The following CEP350 variants were observed in gnomAD, a reference collection of about 807,000 sequenced individuals.
The protein encoded by CEP350 is centrosome-associated protein 350.
In CEP350, 126 loss-of-function variants were observed where a neutral mutation model predicts 331.8. The observed-to-expected ratio is 0.38, with a 90% CI of 0.33 to 0.44. CEP350 has a LOEUF of 0.44. Among genes scored for constraint, CEP350 ranks in the 20% least tolerant of loss-of-function variants. The pLI is 1.00. For synonymous variants in CEP350, 1,200 were observed against 1,259.5 expected (o/e 0.95, Z 1.00); for missense variants, 3,406 against 3,634.6 (o/e 0.94, Z 1.62).
At chr1:179,962,610 A>G (rs1454451555) in intron 1 of CEP350, among the ~76,000 whole-genome samples, 2 of 152,004 alleles carry the variant, frequency 1.3e-5, no homozygotes, top group South Asian at 2.1e-4. Context: ...GAGTTTCACT[A>G]TGTTGGTCAG....
intron 5 of CEP350, 128 bp downstream of exon 5, chr1:179,992,349 C>A: frequency 1.5e-6 from 1 of 672,804 alleles, no homozygotes. Flanking sequence ...TCTAATATTA[C>A]TACCTTTTTC....
chr1:180,091,749 A>C (rs900245405), intron 33 of CEP350, among the ~76,000 whole-genome samples: 6 of 151,936 alleles, frequency 3.9e-5, no homozygotes, highest in African/African-American at 1.5e-4. Context: ...AAGATCGCTT[A>C]CACCCAAGCA....
intron 1 of CEP350, among the ~76,000 whole-genome samples, chr1:179,973,698 A>G (rs1651626455): frequency 6.6e-6 from 1 of 152,130 alleles, no homozygotes; most frequent in Non-Finnish European, 1.5e-5. Context: ...TTGCCCTGTT[A>G]TCAGCGGGTC....
intron 27 of CEP350, among the ~76,000 whole-genome samples, chr1:180,072,459 T>C (rs991665455): frequency 6.6e-6 from 1 of 152,238 alleles, no homozygotes; most frequent in Admixed American, 6.5e-5. Flanking sequence ...ATAGATTTTT[T>C]GAGCCTTTTG....
intron 34 of CEP350, 23 bp downstream of exon 34, chr1:180,094,639 G>T (rs773226199): frequency 6.3e-7 from 1 of 1,599,148 alleles, no homozygotes; most frequent in Admixed American, 1.8e-5. Flanking sequence ...TCTAGAAAAA[G>T]TATCAGTATA....
chr1:179,987,519 CATATATA>C (rs1046719091), intron 3 of CEP350, among the ~76,000 whole-genome samples: 5 of 147,148 alleles, frequency 3.4e-5, no homozygotes, highest in African/African-American at 7.4e-5. Context: ...ATAGTATTAT[CATATATA>C]ATATATAATA....
At chr1:180,018,220 G>T (rs752268288) in intron 11 of CEP350, among the ~76,000 whole-genome samples, 3 of 151,904 alleles carry the variant, frequency 2.0e-5, no homozygotes, top group Non-Finnish European at 4.4e-5. Flanking sequence ...TTGCTATGTT[G>T]CCCAGGCTGG....
In CEP350 at chr1:180,041,774, C is replaced by G. The variant is rs771161145; in HGVS notation, c.4334C>G (p.Thr1445Ser). The G allele has an allele frequency of 6.2e-7, 1 of 1,612,936 alleles. No individual in the cohort carries two copies. The highest frequency in any genetic ancestry group is 8.5e-7 in the Non-Finnish European group (1 of 1,179,404). ...AAQQSETARL[T>S]TDAARQICEM... ...CAGCAGTCAGAAACTGCTCGCCTCA[C>G]CACAGACGCAGCACGTCAAATCTGT... The change falls in exon 19 of 38, where the codon ACC becomes AGC. Residue 1445 changes from threonine (T) to serine (S), a missense_variant. This residue lies in a region of CEP350 where 1,857 missense variants were observed against 1,909.2 expected (regional missense o/e 0.97). Coordinates refer to ENST00000367607, the MANE Select transcript of CEP350 (RefSeq NM_014810.5).
chr1:180,018,853 C>CTTCCTTTTTTTTTTTTTT lies in CEP350; in HGVS notation c.2175-1094_2175-1093insCCTTTTTTTTTTTTTTTT, dbSNP rs1553255696. On this transcript the variant is annotated intron_variant, in intron 11 of 37. Coordinates refer to ENST00000367607, the MANE Select transcript of CEP350 (RefSeq NM_014810.5). ...AAAGCCTCATGTTCGTCTTCTCTTT[C>CTTCCTTTTTTTTTTTTTT]TTTCTTTTTTTTTTTTTTTTTCTGA... 3.6e-5 allele frequency among the ~76,000 whole-genome samples: 3 copies of CTTCCTTTTTTTTTTTTTT among 83,764 alleles called. 1 individual carries two copies. The allele number at this position is 83,764 out of a possible 152,430, so 55.0% of individuals were successfully genotyped here.
In CEP350 at chr1:179,969,559, A is replaced by T. The variant is rs894653219; in HGVS notation, c.-14+14417A>T. On this transcript the variant is annotated intron_variant, in intron 1 of 37. Transcript: ENST00000367607. Reference sequence around the variant, plus strand: ...AGCAACATGGAAACAGGGTTGATGGAAAATAAGCAGCAGTTTCTAAAAAAG... The same window carrying T: ...AGCAACATGGAAACAGGGTTGATGGTAAATAAGCAGCAGTTTCTAAAAAAG... 39 of 346,444 alleles carry T rather than the reference A, an allele frequency of 1.1e-4. No homozygotes were observed. In the Admixed American group the frequency reaches 1.1e-3, roughly 10 times the overall value. 21.5% of individuals were successfully genotyped at this position (346,444 alleles called of 1,614,324 possible).
intron 37 of CEP350, among the ~76,000 whole-genome samples, chr1:180,108,586 A>G (rs375371369): frequency 6.6e-6 from 1 of 152,292 alleles, no homozygotes; most frequent in African/African-American, 2.4e-5. Context: ...TTCATTGGGG[A>G]TGTGAAATTT....
At chr1:179,969,901 A>G (rs2148587290) in intron 1 of CEP350, among the ~76,000 whole-genome samples, 1 of 152,358 alleles carries the variant, frequency 6.6e-6, no homozygotes, top group East Asian at 1.9e-4. Flanking sequence ...GGAAAATTTT[A>G]TAGTGAAACT....
In CEP350 at chr1:179,992,067, AG is replaced by A; in HGVS notation, c.242del (p.Arg81AsnfsTer36). ...CAGATTTCCTTTTCCTTCAGATGGTAGATACCTGGATGATTCTTGGGTTAAT... is the reference window on the plus strand; with the variant it reads ...CAGATTTCCTTTTCCTTCAGATGGTAATACCTGGATGATTCTTGGGTTAAT... ...ATRKISRKDG[R>X]YLDDSWVNAP... is the part of the protein sequence containing the mutation. On this transcript the variant is annotated frameshift_variant, in exon 5 of 38. Transcript: ENST00000367607. LOFTEE classifies it high-confidence loss of function. The A allele has an allele frequency of 6.5e-7, 1 of 1,534,154 alleles. No homozygotes were observed. Among genetic ancestry groups the A allele is most frequent in the Non-Finnish European group, 8.7e-7 (1 of 1,145,202 alleles).
At chr1:180,108,347 A>G (rs1333277401) in intron 37 of CEP350, among the ~76,000 whole-genome samples, 1 of 152,224 alleles carries the variant, frequency 6.6e-6, no homozygotes, top group Non-Finnish European at 1.5e-5. Flanking sequence ...TTACAGGCCA[A>G]GAGAGGCTGG....
chr1:180,103,809 C>T (rs111260880), intron 37 of CEP350, among the ~76,000 whole-genome samples: 2,554 of 151,918 alleles, frequency 0.017, 73 homozygotes, highest in African/African-American at 0.058. Flanking sequence ...GTAACTCCTC[C>T]CTTAGTTAGT....
rs1173225968 is a variant in CEP350, at chr1:180,011,943, A to G, written c.1261A>G (p.Ile421Val). 1.9e-6 allele frequency: 3 copies of G among 1,600,160 alleles called. No homozygotes were observed. Among genetic ancestry groups the G allele is most frequent in the East Asian group, 2.2e-5 (1 of 44,648 alleles). ...TECRTGSSHL[I>V]STSSWRDGQK... ...TATTTTTTTAGGTAGTAGTCATCTT[A>G]TAAGTACATCTTCTTGGCGAGATGG... The change falls in exon 9 of 38, where the codon ATA becomes GTA. Residue 421 changes from isoleucine to valine, a missense_variant. Physicochemically the swap from Ile to Val is conservative, Grantham distance 29. Coordinates refer to ENST00000367607, the MANE Select transcript of CEP350 (RefSeq NM_014810.5).
chr1:180,065,072 T>A, intron 26 of CEP350, 43 bp from the exon 27 acceptor site: 1 of 1,537,254 alleles, frequency 6.5e-7, no homozygotes, highest in Non-Finnish European at 8.7e-7. Flanking sequence ...GGCTTCAAGG[T>A]CCTATTAAAG....
chr1:180,062,083 C>CT, intron 25 of CEP350, 137 bp from the exon 26 acceptor site: 1 of 758,744 alleles, frequency 1.3e-6, no homozygotes, highest in Non-Finnish European at 1.8e-6. Flanking sequence ...ATTTTTTAAA[C>CT]TTTTCAGTAT....
intron 23 of CEP350, 46 bp from the exon 24 acceptor site, chr1:180,053,704 C>T: frequency 2.5e-6 from 3 of 1,200,872 alleles, no homozygotes; most frequent in Non-Finnish European, 2.3e-6. Context: ...AATTAAGTAC[C>T]AAAAGGTTAG....
Sources: allele counts gnomAD v4.1 joint callset (sites outside exome capture counted in the v4.1 genomes callset), GRCh38; gene constraint gnomAD v4.1.1; regional missense constraint gnomAD v4.1.1; transcripts MANE v1.5; gene names NCBI Gene and HGNC (gene_info 2026-07-23, HGNC 2026-07-21).